HPSE2: variants seen among roughly 807,000 people sequenced by gnomAD.
The protein encoded by HPSE2 is inactive heparanase-2.
A neutral mutation model predicts 60.5 loss-of-function variants in HPSE2; 38 were observed. The observed-to-expected ratio is 0.63, with a 90% CI of 0.48 to 0.82. The LOEUF (loss-of-function observed/expected upper bound fraction) is 0.82. Among genes scored for constraint, HPSE2 ranks in the 40% least tolerant of loss-of-function variants. HPSE2 has a pLI of 0.00. For synonymous variants in HPSE2, 295 were observed against 293.2 expected (o/e 1.01, Z -0.06); for missense variants, 713 against 740.4 (o/e 0.96, Z 0.43).
rs1382350613 is a variant in HPSE2, at chr10:98,697,921, A to G, written c.957-3974T>C. On this transcript the variant is annotated intron_variant, in intron 5 of 11. Transcript: ENST00000370552. ...CCATTACATAATGGTAAAGGGATCA[A>G]TTCAACAAGAAGAGCTAACTATCCT... Among the ~76,000 whole-genome samples the G allele has an allele frequency of 5.3e-5, 8 of 151,682 alleles. No individual in the cohort carries two copies. The East Asian group carries it at 1.6e-3, about 29-fold the overall frequency.
At chr10:98,525,079 T>G (rs1942921474) in intron 9 of HPSE2, among the ~76,000 whole-genome samples, 1 of 152,162 alleles carries the variant, frequency 6.6e-6, no homozygotes, top group Admixed American at 6.5e-5. Flanking sequence ...GGCACGATCT[T>G]GGCTCACTGC....
chr10:98,809,873 C>G (rs1360070284), intron 3 of HPSE2, among the ~76,000 whole-genome samples: 1 of 152,110 alleles, frequency 6.6e-6, no homozygotes, highest in Non-Finnish European at 1.5e-5. Flanking sequence ...CCAACCTTAT[C>G]TGGGACTGCC....
intron 2 of HPSE2, among the ~76,000 whole-genome samples, chr10:99,170,255 A>C (rs1847257997): frequency 6.6e-6 from 1 of 152,192 alleles, no homozygotes; most frequent in South Asian, 2.1e-4. Context: ...AGAACAAACG[A>C]CACTCTGGCA....
At chr10:99,289,363 T>A in the HPSE2 span, among the ~76,000 whole-genome samples, 2 of 152,126 alleles carry the variant, frequency 1.3e-5, no homozygotes, top group Non-Finnish European at 2.9e-5. Flanking sequence ...CTGTTTTTTT[T>A]TTGGAACTTT....
At position 98,687,717 on chromosome 10, in the gene HPSE2, G is replaced by A. The variant is rs73341756; in HGVS notation, c.1004+6183C>T. Among the ~76,000 whole-genome samples, 445 of 152,062 alleles carry A rather than the reference G, an allele frequency of 2.9e-3. 3 individuals carry two copies. The highest frequency in any genetic ancestry group is 0.01 in the African/African-American group (422 of 41,472). On this transcript the variant is annotated intron_variant, in intron 6 of 11. Coordinates refer to ENST00000370552, the MANE Select transcript of HPSE2 (RefSeq NM_021828.5). ...TGCTATGAATAATCTCCTTTTCTCT[G>A]GTAATCCTCCTTTTTTTGAAGCCTA...
chr10:98,987,785 C>T (rs1271804625), intron 3 of HPSE2, among the ~76,000 whole-genome samples: 1 of 152,304 alleles, frequency 6.6e-6, no homozygotes, highest in South Asian at 2.1e-4. Flanking sequence ...TGATAAGCCA[C>T]TTCAGCAAAG....
intron 2 of HPSE2, among the ~76,000 whole-genome samples, chr10:99,145,041 G>A (rs527659826): frequency 1.7e-3 from 264 of 152,308 alleles, no homozygotes; most frequent in Non-Finnish European, 1.9e-3. Context: ...GAGGTCTAGA[G>A]TCATGGAAGA....
chr10:99,164,437 C>A (rs1384447007), intron 2 of HPSE2, among the ~76,000 whole-genome samples: 1 of 151,192 alleles, frequency 6.6e-6, no homozygotes, highest in East Asian at 1.9e-4. Context: ...TACTTTCTGG[C>A]ACCACAAATG....
chr10:99,123,276 A>G (rs1380888372), intron 3 of HPSE2, among the ~76,000 whole-genome samples: 1 of 152,224 alleles, frequency 6.6e-6, no homozygotes, highest in Non-Finnish European at 1.5e-5. Flanking sequence ...TCAACACCCA[A>G]TTTAAAAAGG....
chr10:98,668,296 C>G (rs940361910), intron 6 of HPSE2, among the ~76,000 whole-genome samples: 5 of 152,140 alleles, frequency 3.3e-5, no homozygotes, highest in Admixed American at 6.5e-5. Flanking sequence ...ATTCCATGCT[C>G]ATTGATTGGA....
intron 9 of HPSE2, among the ~76,000 whole-genome samples, chr10:98,532,883 T>C (rs993590472): frequency 6.6e-6 from 1 of 152,210 alleles, no homozygotes; most frequent in African/African-American, 2.4e-5. Flanking sequence ...TTATTGCTTC[T>C]GGCCTTACTG....
intron 3 of HPSE2, among the ~76,000 whole-genome samples, chr10:98,920,460 A>C (rs75192300): frequency 0.015 from 2,257 of 152,304 alleles, 57 homozygotes; most frequent in African/African-American, 0.051. Flanking sequence ...TAACTGACAC[A>C]ATACTTTAAG....
At chr10:98,824,522 G>T (rs1951498224) in intron 3 of HPSE2, among the ~76,000 whole-genome samples, 1 of 152,126 alleles carries the variant, frequency 6.6e-6, no homozygotes, top group South Asian at 2.1e-4. Context: ...AGCTATCTAG[G>T]TTAAGAAAGT....
At chr10:99,023,806 A>G (rs1957318736) in intron 3 of HPSE2, among the ~76,000 whole-genome samples, 1 of 152,256 alleles carries the variant, frequency 6.6e-6, no homozygotes, top group South Asian at 2.1e-4. Context: ...CCCCAAAAGC[A>G]GATACAGCTT....
intron 3 of HPSE2, among the ~76,000 whole-genome samples, chr10:99,063,216 A>G (rs1250323434): frequency 6.6e-6 from 1 of 152,236 alleles, no homozygotes; most frequent in East Asian, 1.9e-4. Context: ...AAAAGTTAAA[A>G]AAGATAAACA....
chr10:98,915,223 C>T (rs1273456933), intron 3 of HPSE2, among the ~76,000 whole-genome samples: 2 of 151,074 alleles, frequency 1.3e-5, no homozygotes, highest in Non-Finnish European at 2.9e-5. Context: ...TCTCTGCTCA[C>T]TGCAAGCTCC....
intron 5 of HPSE2, among the ~76,000 whole-genome samples, chr10:98,710,170 T>C (rs1948641760): frequency 6.6e-6 from 1 of 152,148 alleles, no homozygotes. Context: ...TACTTTTTCA[T>C]GGTTAATTAT....
chr10:99,207,541 A>C (rs957676184), intron 2 of HPSE2, among the ~76,000 whole-genome samples: 53 of 152,334 alleles, frequency 3.5e-4, no homozygotes, highest in African/African-American at 1.2e-3. Flanking sequence ...TATAATGCTT[A>C]CAAGACAAAA....
chr10:99,012,402 G>A (rs1957038454), intron 3 of HPSE2, among the ~76,000 whole-genome samples: 1 of 151,744 alleles, frequency 6.6e-6, no homozygotes, highest in South Asian at 2.1e-4. Context: ...ACAAAAAATA[G>A]ATACACAATA....
Sources: gnomAD v4.1 joint callset for allele counts (sites outside exome capture counted in the v4.1 genomes callset) on GRCh38, gnomAD v4.1.1 for gene constraint, MANE v1.5 for transcripts, NCBI Gene and HGNC (gene_info 2026-07-23, HGNC 2026-07-21) for gene names.